Variants in SDR42E2 observed in about 807,000 individuals in gnomAD.
SDR42E2 encodes short chain dehydrogenase/reductase family 42E, member 2, also known as putative short-chain dehydrogenase/reductase family 42E member 2.
In SDR42E2, 20 loss-of-function variants were observed where a neutral mutation model predicts 10.5. The observed-to-expected ratio is 1.90, with a 90% confidence interval of 1.34 to 2.77. SDR42E2 has a LOEUF of 2.77. Ranked by LOEUF, SDR42E2 falls within the 30% of genes most tolerant of loss-of-function variation. The pLI, the probability that SDR42E2 is intolerant of heterozygous loss-of-function variation, is 0.00. For missense variants in SDR42E2, 162 were observed against 104.2 expected, an observed-to-expected ratio of 1.55 and a Z score of -2.42; for synonymous variants, 72 against 39.2, an observed-to-expected ratio of 1.84 and a Z score of -3.12.
At chr16:22,175,013 G>A (rs538334415) in intron 7 of SDR42E2, among the ~76,000 whole-genome samples, 33 of 152,108 alleles carry the variant, frequency 2.2e-4, no homozygotes, top group Non-Finnish European at 4.0e-4. Context: ...CTGACTCGGC[G>A]CAGAGGTCCG....
chr16:22,163,281 T>C (rs1461581714), intron 1 of SDR42E2, among the ~76,000 whole-genome samples: 2 of 152,122 alleles, frequency 1.3e-5, no homozygotes, highest in Non-Finnish European at 2.9e-5. Context: ...TCTGGTCCCA[T>C]AGACCCTTCC....
intron 7 of SDR42E2, 48 bp from the exon 8 acceptor site, chr16:22,178,082 G>C (rs894259268): frequency 4.9e-5 from 34 of 693,630 alleles, no homozygotes; most frequent in Non-Finnish European, 8.7e-5. Flanking sequence ...CCCTCTCCCT[G>C]TGGGCTGCTC....
intron 10 of SDR42E2, among the ~76,000 whole-genome samples, chr16:22,183,934 CAAAAA>C (rs60806108): frequency 7.7e-6 from 1 of 129,536 alleles, no homozygotes. Flanking sequence ...TGATTCTCTG[CAAAAA>C]AAAAAAAAAA....
intron 8 of SDR42E2, among the ~76,000 whole-genome samples, chr16:22,179,379 C>T (rs1196020925): frequency 2.6e-5 from 4 of 152,132 alleles, no homozygotes; most frequent in South Asian, 2.1e-4. Flanking sequence ...ATTCATTCAA[C>T]GAATACTTAC....
intron 7 of SDR42E2, among the ~76,000 whole-genome samples, chr16:22,176,956 G>C (rs1400422296): frequency 6.6e-6 from 1 of 152,228 alleles, no homozygotes; most frequent in Non-Finnish European, 1.5e-5. Flanking sequence ...TGATTGGAAA[G>C]TGTAGCAGCT....
Position 22,170,965 on chromosome 16 carries a change from G to A in SDR42E2, c.513+14G>A, listed in dbSNP as rs750996515. ...CCATTGGACGAGGTACCTGTCTTCCGGGAGAGGTGGGCAGGACCCGCGGGC... is the reference window on the plus strand; with the variant it reads ...CCATTGGACGAGGTACCTGTCTTCCAGGAGAGGTGGGCAGGACCCGCGGGC... On this transcript the variant is annotated intron_variant, in intron 6 of 12. Coordinates refer to ENST00000602312, the MANE Select transcript of SDR42E2 (RefSeq NM_001394319.2). 4.1e-5 allele frequency: 29 copies of A among 702,770 alleles called. No individual in the cohort carries two copies. Among genetic ancestry groups the A allele is most frequent in the South Asian group, 3.1e-4 (21 of 67,592 alleles). The allele number at this position is 702,770 out of a possible 1,614,324, so 43.5% of individuals were successfully genotyped here.
At chr16:22,185,704 C>A (rs1453305366) in intron 11 of SDR42E2, among the ~76,000 whole-genome samples, 4 of 151,972 alleles carry the variant, frequency 2.6e-5, no homozygotes, top group African/African-American at 9.7e-5. Context: ...ACCTCCTGGG[C>A]TCAAGCAATT....
intron 12 of SDR42E2, among the ~76,000 whole-genome samples, chr16:22,189,354 T>A (rs537054403): frequency 6.6e-6 from 1 of 152,212 alleles, no homozygotes; most frequent in East Asian, 1.9e-4. Context: ...GAAATTAGGC[T>A]AGAACCTGGC....
intron 10 of SDR42E2, 72 bp downstream of exon 10, chr16:22,182,349 T>TC (rs922135508): frequency 2.5e-6 from 1 of 400,102 alleles, no homozygotes; most frequent in East Asian, 3.6e-5. Context: ...CTTTTTATTT[T>TC]TTTTTTTAAT....
intron 5 of SDR42E2, among the ~76,000 whole-genome samples, chr16:22,169,891 G>A (rs776650249): frequency 1.3e-4 from 20 of 152,002 alleles, no homozygotes; most frequent in Non-Finnish European, 2.6e-4. Flanking sequence ...AATTAGCCAG[G>A]CGTGGTGGCG....
chr16:22,165,896 TAGGAGCTAGGTCCGTACCTGGGCC>T lies in SDR42E2; in HGVS notation c.55+267_55+290del, dbSNP rs1356321281. Among the ~76,000 whole-genome samples the T allele has an allele frequency of 8.6e-3, 1,115 of 129,718 alleles. 19 individuals are homozygous for T. The highest frequency in any genetic ancestry group is 0.03 in the African/African-American group (994 of 33,470). 85.1% of individuals were successfully genotyped at this position (129,718 alleles called of 152,430 possible). A position where few individuals can be genotyped will look rare whatever the true frequency, so the allele number is the denominator to read the frequency against. ...CCAGGAGCTGGGTCCGTACCTGGTC[TAGGAGCTAGGTCCGTACCTGGGCC>T]AGGAGCTGGGTCCGTACCTGGGCCA... On this transcript the variant is annotated intron_variant, in intron 2 of 12. Transcript: ENST00000602312.
intron 1 of SDR42E2, among the ~76,000 whole-genome samples, 190 bp from the exon 2 acceptor site, chr16:22,165,357 G>A (rs1477109734): frequency 6.6e-6 from 1 of 152,090 alleles, no homozygotes; most frequent in East Asian, 1.9e-4. Flanking sequence ...CAAACTGCTG[G>A]GATTACAGAC....
At chr16:22,164,404 C>T (rs1032349535) in intron 1 of SDR42E2, among the ~76,000 whole-genome samples, 1 of 152,144 alleles carries the variant, frequency 6.6e-6, no homozygotes, top group African/African-American at 2.4e-5. Context: ...ACTAAAAATG[C>T]AAAAATTCAC....
intron 7 of SDR42E2, among the ~76,000 whole-genome samples, chr16:22,176,342 T>G (rs1404409718): frequency 1.3e-5 from 2 of 152,120 alleles, no homozygotes; most frequent in Non-Finnish European, 2.9e-5. Context: ...GCAGTAGATG[T>G]GAATGTTCCC....
At chr16:22,182,336 T>C in intron 10 of SDR42E2, 59 bp downstream of exon 10, 1 of 399,172 alleles carries the variant, frequency 2.5e-6, no homozygotes, top group Non-Finnish European at 4.4e-6. Context: ...TGACCTTCTC[T>C]TCCTTTTTAT....
chr16:22,166,512 G>A (rs375356521), intron 3 of SDR42E2, 78 bp downstream of exon 3: 12 of 402,336 alleles, frequency 3.0e-5, no homozygotes, highest in East Asian at 1.4e-4. Flanking sequence ...AACCTGTGGT[G>A]TGGAGTTTAG....
At chr16:22,178,553 T>G (rs1007935311) in intron 8 of SDR42E2, among the ~76,000 whole-genome samples, 1 of 152,144 alleles carries the variant, frequency 6.6e-6, no homozygotes, top group South Asian at 2.1e-4. Context: ...AGAGCACAAG[T>G]GTCTTCATAC....
chr16:22,184,101 C>A, intron 10 of SDR42E2, 80 bp from the exon 11 acceptor site: 1 of 398,620 alleles, frequency 2.5e-6, no homozygotes, highest in South Asian at 1.3e-4. Context: ...CTCTGCTGGT[C>A]CCCGGTAGAG....
chr16:22,187,706 G>A (rs557528150), intron 12 of SDR42E2, among the ~76,000 whole-genome samples: 1 of 152,112 alleles, frequency 6.6e-6, no homozygotes, highest in African/African-American at 2.4e-5. Flanking sequence ...TAATAATGAT[G>A]ATGCAGGTTT....
Sources: gnomAD v4.1 joint callset for allele counts (sites outside exome capture counted in the v4.1 genomes callset) on GRCh38, gnomAD v4.1.1 for gene constraint, MANE v1.5 for transcripts, NCBI Gene and HGNC (gene_info 2026-07-23, HGNC 2026-07-21) for gene names.